CARMIL1: variants seen among roughly 807,000 people sequenced by gnomAD.
CARMIL1 encodes the protein F-actin-uncapping protein LRRC16A.
In CARMIL1, 90 loss-of-function variants were observed where a neutral mutation model predicts 177.1. That is an observed-to-expected ratio of 0.51 (90% CI 0.43 to 0.61). The LOEUF is 0.61. CARMIL1 is among the 20% of genes least tolerant of loss of function. CARMIL1 has a pLI of 0.00. For missense variants in CARMIL1, 1,380 were observed against 1,667.0 expected (o/e 0.83, Z 3.00); for synonymous variants, 577 against 606.2 (o/e 0.95, Z 0.71).
chr6:25,427,330 TC>T (rs1353130969), intron 4 of CARMIL1, among the ~76,000 whole-genome samples: 10 of 152,076 alleles, frequency 6.6e-5, no homozygotes, highest in Non-Finnish European at 1.3e-4. Context: ...ATACTCTCCC[TC>T]CCCCAACCCC....
intron 10 of CARMIL1, 21 bp from the exon 11 acceptor site, chr6:25,472,406 T>G (rs1801166627): frequency 6.7e-7 from 1 of 1,489,766 alleles, no homozygotes; most frequent in African/African-American, 1.4e-5. Flanking sequence ...TATTTAATCT[T>G]ATTGTTTTGT....
Position 25,509,609 on chromosome 6 carries a change from C to T in CARMIL1, c.1396-47C>T. The T allele has an allele frequency of 8.1e-7, 1 of 1,227,162 alleles. No homozygotes were observed. Among genetic ancestry groups the T allele is most frequent in the Non-Finnish European group, 1.2e-6 (1 of 846,874 alleles). The allele number at this position is 1,227,162 out of a possible 1,614,324, so 76.0% of individuals were successfully genotyped here. ...TATTTTTAATTTTTTGATTACATCT[C>T]CAGTAGAGTGAAGACTTTACTTTGT... On this transcript the variant is annotated intron_variant, in intron 17 of 36. Transcript: ENST00000329474. The surrounding 1 kb of genome is among the most constrained non-coding windows in gnomAD (Gnocchi z 4.1).
intron 26 of CARMIL1, among the ~76,000 whole-genome samples, chr6:25,548,060 G>A (rs441460): frequency 0.45 from 68,141 of 151,906 alleles, 15,464 homozygotes; most frequent in East Asian, 0.49. Flanking sequence ...TGGATCATAC[G>A]GGGAACTGCA....
chr6:25,596,610 A>G (rs1814874423), intron 32 of CARMIL1, among the ~76,000 whole-genome samples: 1 of 152,122 alleles, frequency 6.6e-6, no homozygotes, highest in African/African-American at 2.4e-5. Flanking sequence ...TTAAATGATG[A>G]TAATACAGAC....
chr6:25,405,631 A>G (rs1794293194), intron 2 of CARMIL1, among the ~76,000 whole-genome samples: 7 of 152,232 alleles, frequency 4.6e-5, no homozygotes, highest in Admixed American at 4.6e-4. Flanking sequence ...CTTTGAACAC[A>G]GTAGGCAAAA....
intron 2 of CARMIL1, among the ~76,000 whole-genome samples, chr6:25,287,186 C>T (rs79796251): frequency 6.6e-6 from 1 of 152,226 alleles, no homozygotes; most frequent in Non-Finnish European, 1.5e-5. Flanking sequence ...TGTTAGCCTA[C>T]TAAAATGGTT....
At chr6:25,474,366 C>T (rs866731835) in intron 11 of CARMIL1, among the ~76,000 whole-genome samples, 2 of 152,042 alleles carry the variant, frequency 1.3e-5, no homozygotes, top group Admixed American at 6.6e-5. Context: ...CCACCCACCT[C>T]GGCCTCCCAA....
chr6:25,406,910 G>A (rs1581832802), intron 2 of CARMIL1, among the ~76,000 whole-genome samples: 1 of 152,222 alleles, frequency 6.6e-6, no homozygotes, highest in East Asian at 1.9e-4. Flanking sequence ...GAAGTCATGA[G>A]AGAGAATGAA....
intron 23 of CARMIL1, 99 bp from the exon 24 acceptor site, chr6:25,528,696 G>C: frequency 1.2e-6 from 1 of 846,010 alleles, no homozygotes; most frequent in Admixed American, 2.0e-5. Flanking sequence ...GTATATTCAC[G>C]CTTCGGTTTT....
chr6:25,452,289 T>A, intron 8 of CARMIL1: 1 of 752,012 alleles, frequency 1.3e-6, no homozygotes, highest in Non-Finnish European at 2.4e-6. Flanking sequence ...CTTTATACTT[T>A]CAAATTTAGA....
intron 33 of CARMIL1, among the ~76,000 whole-genome samples, chr6:25,604,542 C>T (rs1815751431): frequency 6.6e-6 from 1 of 152,148 alleles, no homozygotes; most frequent in East Asian, 1.9e-4. Flanking sequence ...TCCCTGGCCC[C>T]ATGCACCTCT....
chr6:25,318,777 C>T (rs1784461712), intron 2 of CARMIL1, among the ~76,000 whole-genome samples: 1 of 152,196 alleles, frequency 6.6e-6, no homozygotes, highest in African/African-American at 2.4e-5. Flanking sequence ...GAGTCAGGAA[C>T]AGATGGCTGT....
chr6:25,279,765 C>T lies in CARMIL1; in HGVS notation c.-31C>T, dbSNP rs1445230019. 3 of 1,612,512 alleles carry T rather than the reference C, an allele frequency of 1.9e-6. No individual in the cohort carries two copies. The African/African-American group carries it at 4.0e-5, about 22-fold the overall frequency. On this transcript the variant is annotated 5_prime_UTR_variant, in exon 1 of 37. Transcript: ENST00000329474. ...AGGGGGCCATAAATCAGAGTTGGAC[C>T]TGCAATAACCCCCACACCTACAGGG...
At chr6:25,543,435 C>A (rs1809109809) in intron 26 of CARMIL1, among the ~76,000 whole-genome samples, 1 of 152,050 alleles carries the variant, frequency 6.6e-6, no homozygotes, top group Non-Finnish European at 1.5e-5. Flanking sequence ...CTAAACTGGC[C>A]TGTTTTAGAT....
intron 2 of CARMIL1, among the ~76,000 whole-genome samples, chr6:25,332,787 A>ACACACACACACGCATACACACACACG (rs1554165998): frequency 6.8e-6 from 1 of 146,690 alleles, no homozygotes; most frequent in African/African-American, 2.5e-5. Flanking sequence ...ACACACACAC[A>ACACACACACACGCATACACACACACG]CACACTTCTT....
intron 2 of CARMIL1, among the ~76,000 whole-genome samples, chr6:25,373,195 T>C (rs1483748103): frequency 6.6e-6 from 1 of 152,118 alleles, no homozygotes; most frequent in Non-Finnish European, 1.5e-5. Context: ...TCAAGGGTAT[T>C]GTTCTGTAGT....
intron 4 of CARMIL1, among the ~76,000 whole-genome samples, chr6:25,432,635 T>C (rs1252608172): frequency 1.3e-5 from 2 of 152,220 alleles, no homozygotes; most frequent in Non-Finnish European, 2.9e-5. Flanking sequence ...TACAACTGAA[T>C]ACCTGCTATG....
chr6:25,611,637 C>T (rs1816514078), intron 36 of CARMIL1, among the ~76,000 whole-genome samples: 1 of 152,160 alleles, frequency 6.6e-6, no homozygotes, highest in Non-Finnish European at 1.5e-5. Flanking sequence ...TAGGAATGTT[C>T]ATCTATCTTG....
intron 8 of CARMIL1, chr6:25,451,986 G>GGCCC: frequency 8.0e-5 from 9 of 112,668 alleles, no homozygotes; most frequent in South Asian, 1.4e-4. Flanking sequence ...CTAGCATCTT[G>GGCCC]CCCCCCCCTC....
Sources: allele counts gnomAD v4.1 joint callset (sites outside exome capture counted in the v4.1 genomes callset), GRCh38; gene constraint gnomAD v4.1.1; non-coding constraint Gnocchi (gnomAD v3.1); transcripts MANE v1.5; gene names NCBI Gene and HGNC (gene_info 2026-07-23, HGNC 2026-07-21).